The following NCKAP5 variants were observed in gnomAD, a reference collection of about 807,000 sequenced individuals.
NCKAP5 encodes nck-associated protein 5.
NCKAP5 carries 92 observed loss-of-function variants against 167.0 expected under a neutral mutation model. The observed-to-expected ratio is 0.55, with a 90% CI of 0.47 to 0.66. The LOEUF (loss-of-function observed/expected upper bound fraction) is 0.66. NCKAP5 is among the 30% of genes least tolerant of loss of function. NCKAP5 has a pLI of 0.00. For synonymous variants in NCKAP5, 891 were observed against 877.4 expected, an observed-to-expected ratio of 1.02 and a Z score of -0.27; for missense variants, 2,378 against 2,315.0, an observed-to-expected ratio of 1.03 and a Z score of -0.56.
At chr2:132,963,157 G>A (rs772717185) in intron 8 of NCKAP5, among the ~76,000 whole-genome samples, 2 of 152,154 alleles carry the variant, frequency 1.3e-5, no homozygotes, top group Admixed American at 6.5e-5. Context: ...AGTAACAGAC[G>A]GGTGTTATCA....
intron 3 of NCKAP5, among the ~76,000 whole-genome samples, chr2:133,441,373 G>C (rs1690849813): frequency 2.6e-5 from 4 of 152,196 alleles, no homozygotes; most frequent in Admixed American, 2.6e-4. Flanking sequence ...AAAAGATCTA[G>C]ACTCAGAATC....
intron 8 of NCKAP5, among the ~76,000 whole-genome samples, chr2:132,886,561 C>A (rs528252528): frequency 6.6e-6 from 1 of 152,200 alleles, no homozygotes; most frequent in Non-Finnish European, 1.5e-5. Flanking sequence ...GTTATAATTT[C>A]TCTTTAGCGT....
intron 7 of NCKAP5, among the ~76,000 whole-genome samples, chr2:132,971,091 T>C (rs993157557): frequency 2.6e-5 from 4 of 152,156 alleles, no homozygotes; most frequent in African/African-American, 9.7e-5. Context: ...AAGTGAAAAA[T>C]ACACGTGTGG....
the NCKAP5 span, among the ~76,000 whole-genome samples, chr2:133,661,041 G>C: frequency 1.3e-5 from 2 of 151,978 alleles, no homozygotes; most frequent in Non-Finnish European, 2.9e-5. Flanking sequence ...AGCCTCAGGG[G>C]ACATTTCTAA....
At position 133,522,075 on chromosome 2, in the gene NCKAP5, T is replaced by C. The variant is rs115874589; in HGVS notation, c.-61-4488A>G. On this transcript the variant is annotated intron_variant, in intron 2 of 19. Coordinates refer to ENST00000409261, the MANE Select transcript of NCKAP5 (RefSeq NM_207363.3). ...AACATGATCAAGACTTCTTGGTCAG[T>C]GTGTTAATGTTGAATTCTGCTAATG... 5.1e-4 allele frequency among the ~76,000 whole-genome samples: 78 copies of C among 152,310 alleles called. 1 individual carries two copies. The highest frequency in any genetic ancestry group is 3.4e-3 in the Middle Eastern group (1 of 294).
At chr2:133,508,140 C>T (rs1683181488) in intron 3 of NCKAP5, among the ~76,000 whole-genome samples, 1 of 152,136 alleles carries the variant, frequency 6.6e-6, no homozygotes, top group African/African-American at 2.4e-5. Context: ...GACAATAATT[C>T]AAGATTATAG....
At chr2:133,022,007 A>T (rs2078546326) in intron 6 of NCKAP5, among the ~76,000 whole-genome samples, 1 of 152,152 alleles carries the variant, frequency 6.6e-6, no homozygotes, top group Admixed American at 6.5e-5. Context: ...TCATTATGAT[A>T]TATTTTCTCC....
chr2:132,859,802 C>G (rs996879997), intron 11 of NCKAP5, among the ~76,000 whole-genome samples: 10 of 152,240 alleles, frequency 6.6e-5, no homozygotes, highest in Admixed American at 2.0e-4. Context: ...TCACAAAGAT[C>G]GGAAACAGCA....
At position 132,817,456 on chromosome 2, in the gene NCKAP5, AT is replaced by A. The variant is rs1222801046; in HGVS notation, c.808-20728del. Among the ~76,000 whole-genome samples, 3 of 148,776 alleles carry A rather than the reference AT, an allele frequency of 2.0e-5. No homozygotes were observed. The East Asian group carries it at 6.0e-4, about 30-fold the overall frequency. On this transcript the variant is annotated intron_variant, in intron 11 of 19. Transcript: ENST00000409261. ...TATGTTACAAGAAATAAAAAAAAAAATTCCTGGTTTTAAATCTCATTTTTCT... is the reference window on the plus strand; with the variant it reads ...TATGTTACAAGAAATAAAAAAAAAAATCCTGGTTTTAAATCTCATTTTTCT...
chr2:133,605,586 C>T, the NCKAP5 span, among the ~76,000 whole-genome samples: 19 of 152,292 alleles, frequency 1.2e-4, no homozygotes, highest in South Asian at 3.7e-3. Context: ...ATTAGTCATA[C>T]AGTTGTGTTT....
chr2:133,325,699 G>A (rs1682388214), intron 3 of NCKAP5, among the ~76,000 whole-genome samples: 1 of 152,206 alleles, frequency 6.6e-6, no homozygotes, highest in African/African-American at 2.4e-5. Context: ...TTTGTGACCT[G>A]AATGAAAGCT....
At chr2:133,098,091 T>C (rs1330447726) in intron 6 of NCKAP5, among the ~76,000 whole-genome samples, 1 of 152,162 alleles carries the variant, frequency 6.6e-6, no homozygotes, top group Admixed American at 6.5e-5. Context: ...GAAATAAAAT[T>C]TTAAGAAAGG....
chr2:133,382,291 T>G (rs1431042916), intron 3 of NCKAP5, among the ~76,000 whole-genome samples: 1 of 152,196 alleles, frequency 6.6e-6, no homozygotes. Flanking sequence ...GTTGGCTTAG[T>G]CTTCTGCAAT....
At chr2:132,705,712 A>G (rs1265071602) in intron 19 of NCKAP5, among the ~76,000 whole-genome samples, 1 of 152,228 alleles carries the variant, frequency 6.6e-6, no homozygotes, top group African/African-American at 2.4e-5. Context: ...ACCCAAGAGC[A>G]TGCCTTTAAA....
At chr2:132,773,715 C>A in intron 16 of NCKAP5, 101 bp downstream of exon 16, 1 of 939,750 alleles carries the variant, frequency 1.1e-6, no homozygotes, top group South Asian at 1.6e-5. Flanking sequence ...AACACTCAGT[C>A]TTGATAGAGG....
intron 8 of NCKAP5, among the ~76,000 whole-genome samples, chr2:132,889,212 T>G (rs1692485064): frequency 6.6e-6 from 1 of 152,186 alleles, no homozygotes; most frequent in African/African-American, 2.4e-5. Context: ...TCACATAGAT[T>G]GGAGATGAAC....
At chr2:133,068,820 T>C (rs1367883110) in intron 6 of NCKAP5, among the ~76,000 whole-genome samples, 1 of 152,190 alleles carries the variant, frequency 6.6e-6, no homozygotes, top group East Asian at 1.9e-4. Flanking sequence ...TTTCAGAATA[T>C]ATATAGCCAG....
At chr2:133,466,811 T>C (rs1692633301) in intron 3 of NCKAP5, among the ~76,000 whole-genome samples, 3 of 148,226 alleles carry the variant, frequency 2.0e-5, no homozygotes, top group Non-Finnish European at 3.1e-5. Flanking sequence ...GCTCTCTGTT[T>C]GTCTGTTGTT....
At chr2:132,733,088 C>G (rs1408858453) in intron 16 of NCKAP5, among the ~76,000 whole-genome samples, 1 of 152,192 alleles carries the variant, frequency 6.6e-6, no homozygotes, top group African/African-American at 2.4e-5. Flanking sequence ...AATTGTGTGT[C>G]AGCTGCAAAA....
Sources: allele counts gnomAD v4.1 joint callset (sites outside exome capture counted in the v4.1 genomes callset), GRCh38; gene constraint gnomAD v4.1.1; transcripts MANE v1.5; gene names NCBI Gene and HGNC (gene_info 2026-07-23, HGNC 2026-07-21).